Variants in UBE2B observed in about 807,000 individuals in gnomAD.
UBE2B encodes the protein ubiquitin conjugating enzyme E2 B.
Under a neutral mutation model 24.6 loss-of-function variants are expected in UBE2B, and 11 were observed. The ratio of observed to expected loss-of-function variants is 0.45; its 90% CI spans 0.28 to 0.74. The LOEUF is 0.74. Ranked by LOEUF, UBE2B falls within the 30% of genes least tolerant of loss-of-function variation. The pLI is 0.13. For synonymous variants in UBE2B, 68 were observed against 62.4 expected (o/e 1.09, Z -0.42); for missense variants, 78 against 185.6 (o/e 0.42, Z 3.37).
Position 134,381,824 on chromosome 5 carries a change from A to G in UBE2B, c.241+1016A>G, listed in dbSNP as rs182181589. ...TCAGGCATGATGGTGGGCACCTGTAATCTCAGCTACTCAGGAGGCTGAGAC... is the reference window on the plus strand; with the variant it reads ...TCAGGCATGATGGTGGGCACCTGTAGTCTCAGCTACTCAGGAGGCTGAGAC... On this transcript the variant is annotated intron_variant, in intron 4 of 5. Transcript: ENST00000265339. Among the ~76,000 whole-genome samples, 87 of 152,298 alleles carry G rather than the reference A, an allele frequency of 5.7e-4. 1 individual carries two copies. Among genetic ancestry groups the G allele is most frequent in the African/African-American group, 2.1e-3 (87 of 41,570 alleles).
At chr5:134,374,351 C>G in intron 1 of UBE2B, 32 bp from the exon 2 acceptor site, 3 of 1,550,988 alleles carry the variant, frequency 1.9e-6, no homozygotes, top group Non-Finnish European at 2.6e-6. Flanking sequence ...CCTTAATGTT[C>G]AACTTTTTAA....
intron 5 of UBE2B, chr5:134,388,944 T>C: frequency 3.5e-6 from 1 of 286,346 alleles, no homozygotes; most frequent in South Asian, 2.4e-5. Flanking sequence ...ACTTCTTTAA[T>C]TGTTTTTTTT....
intron 2 of UBE2B, 173 bp downstream of exon 2, chr5:134,374,636 G>GT: frequency 1.4e-6 from 1 of 714,834 alleles, no homozygotes. Context: ...GCCCAGCACA[G>GT]TAGTAGCTCA....
In UBE2B at chr5:134,390,088, C is replaced by A; in HGVS notation, c.331-137C>A. On this transcript the variant is annotated intron_variant, in intron 5 of 5. Transcript: ENST00000265339. This position sits in a 1 kb window ranked among gnomAD's most constrained non-coding sequence, Gnocchi z 4.6. ...CAAATCATTTCTAAAAGTATTTAGA[C>A]CCAAAATTATATGACATGTTAATCT... The A allele has an allele frequency of 9.3e-7, 1 of 1,073,988 alleles. No homozygotes were observed. The highest frequency in any genetic ancestry group is 1.4e-6 in the Non-Finnish European group (1 of 729,472). 66.5% of individuals were successfully genotyped at this position (1,073,988 alleles called of 1,614,324 possible). A position where few individuals can be genotyped will look rare whatever the true frequency, so the allele number is the denominator to read the frequency against.
In UBE2B at chr5:134,371,582, G is replaced by C. The variant is rs778920968; in HGVS notation, c.-14G>C. Reference sequence around the variant, plus strand: ...TTTTTTTTTTTCAGACTGACCGCGGGGCAGCTGCGGAGCATGTCGACCCCG... The same window carrying C: ...TTTTTTTTTTTCAGACTGACCGCGGCGCAGCTGCGGAGCATGTCGACCCCG... On this transcript the variant is annotated 5_prime_UTR_variant, in exon 1 of 6. Coordinates refer to ENST00000265339, the MANE Select transcript of UBE2B (RefSeq NM_003337.4). The C allele has an allele frequency of 1.2e-6, 2 of 1,612,454 alleles. No individual in the cohort carries two copies. The highest frequency in any genetic ancestry group is 1.7e-5 in the Admixed American group (1 of 60,006).
intron 4 of UBE2B, among the ~76,000 whole-genome samples, chr5:134,385,972 C>T (rs1000179830): frequency 6.6e-6 from 1 of 150,872 alleles, no homozygotes; most frequent in African/African-American, 2.4e-5. Context: ...GAGATCACGC[C>T]ACTGCACTCC....
chr5:134,387,125 A>G (rs1342897849), intron 4 of UBE2B, among the ~76,000 whole-genome samples: 1 of 152,000 alleles, frequency 6.6e-6, no homozygotes, highest in East Asian at 1.9e-4. Context: ...ATGCCTGGCT[A>G]ATTTTTGTAT....
intron 4 of UBE2B, among the ~76,000 whole-genome samples, chr5:134,385,086 T>G (rs189483561): frequency 1.1e-4 from 16 of 152,254 alleles, no homozygotes; most frequent in African/African-American, 3.6e-4. Context: ...TGTATTTTGT[T>G]CATTAGTTGA....
Position 134,371,704 on chromosome 5 carries a change from C to T in UBE2B, c.44+65C>T, listed in dbSNP as rs1191637731. 47 of 1,604,802 alleles carry T rather than the reference C, an allele frequency of 2.9e-5. No homozygotes were observed. The South Asian group carries it at 5.1e-4, about 17-fold the overall frequency. On this transcript the variant is annotated intron_variant, in intron 1 of 5. Transcript: ENST00000265339. Reference sequence around the variant, plus strand: ...AGCTGCGGGGCTGCAGGGCGTGGATCCCAGACACCTTCCCCTTTGTGACCC... The same window carrying T: ...AGCTGCGGGGCTGCAGGGCGTGGATTCCAGACACCTTCCCCTTTGTGACCC...
At chr5:134,388,238 C>G in intron 4 of UBE2B, 87 bp from the exon 5 acceptor site, 1 of 1,163,582 alleles carries the variant, frequency 8.6e-7, no homozygotes, top group Non-Finnish European at 1.3e-6. Flanking sequence ...TTTAAAACTT[C>G]TAAGCCAAGC....
intron 5 of UBE2B, 33 bp downstream of exon 5, chr5:134,388,446 C>T: frequency 1.3e-6 from 2 of 1,591,692 alleles, no homozygotes; most frequent in Non-Finnish European, 1.7e-6. Flanking sequence ...TATAATTTGT[C>T]AGTATTCTGT....
chr5:134,373,058 C>CAG (rs1219349983), intron 1 of UBE2B, among the ~76,000 whole-genome samples: 1 of 152,082 alleles, frequency 6.6e-6, no homozygotes, highest in Non-Finnish European at 1.5e-5. Flanking sequence ...TTGTAGTTTC[C>CAG]AGAGATCTGC....
chr5:134,391,577 CCAAGAGTTTCTTCT>C lies in UBE2B; in HGVS notation c.*1227_*1240del, dbSNP rs1758896770. On this transcript the variant is annotated 3_prime_UTR_variant, in exon 6 of 6. Coordinates refer to ENST00000265339, the MANE Select transcript of UBE2B (RefSeq NM_003337.4). ...AGTTAAAACAGCTATTTTAGTAACC[CCAAGAGTTTCTTCT>C]CATATCCATAAAATTGGATTACAGT... 6.6e-6 allele frequency: 1 copy of C among 152,456 alleles called. No homozygotes were observed. The highest frequency in any genetic ancestry group is 1.5e-5 in the Non-Finnish European group (1 of 68,010). 9.4% of individuals were successfully genotyped at this position (152,456 alleles called of 1,614,324 possible).
intron 3 of UBE2B, 136 bp from the exon 4 acceptor site, chr5:134,380,583 A>G: frequency 3.3e-6 from 2 of 615,206 alleles, no homozygotes; most frequent in South Asian, 3.6e-5. Context: ...TATATTTAGG[A>G]TGTTTTGTAT....
In UBE2B at chr5:134,390,455, G is replaced by A; in HGVS notation, c.*102G>A. ...AAGTGCCACAGGTTTTAAGGATTCT[G>A]CAGAAAAAAAAGAAAAAAGTCCTTC... On this transcript the variant is annotated 3_prime_UTR_variant, in exon 6 of 6. Transcript: ENST00000265339. This position sits in a 1 kb window ranked among gnomAD's most constrained non-coding sequence, Gnocchi z 4.6. The A allele has an allele frequency of 6.8e-7, 1 of 1,477,068 alleles. No homozygotes were observed. Among genetic ancestry groups the A allele is most frequent in the Admixed American group, 2.0e-5 (1 of 49,614 alleles). 91.5% of individuals were successfully genotyped at this position (1,477,068 alleles called of 1,614,324 possible). A position where few individuals can be genotyped will look rare whatever the true frequency, so the allele number is the denominator to read the frequency against.
chr5:134,385,002 C>T (rs1054506845), intron 4 of UBE2B, among the ~76,000 whole-genome samples: 6 of 152,254 alleles, frequency 3.9e-5, no homozygotes, highest in Admixed American at 2.0e-4. Flanking sequence ...TTTCAAGGCT[C>T]ATCTATGTTG....
At chr5:134,374,098 C>T (rs1758553130) in intron 1 of UBE2B, among the ~76,000 whole-genome samples, 1 of 152,136 alleles carries the variant, frequency 6.6e-6, no homozygotes, top group African/African-American at 2.4e-5. Context: ...TACAGTCCCA[C>T]CAACAGTGTA....
intron 4 of UBE2B, among the ~76,000 whole-genome samples, chr5:134,384,368 T>C (rs1758762620): frequency 6.6e-6 from 1 of 152,156 alleles, no homozygotes. Flanking sequence ...CTTTTTTTTT[T>C]GTCCAAGACA....
intron 4 of UBE2B, among the ~76,000 whole-genome samples, chr5:134,387,668 C>G (rs35716897): frequency 1.3e-5 from 2 of 152,336 alleles, no homozygotes; most frequent in South Asian, 4.1e-4. Context: ...GCACACAAGA[C>G]ATAAGAAAAG....
Sources: gnomAD v4.1 joint callset for allele counts (sites outside exome capture counted in the v4.1 genomes callset) on GRCh38, gnomAD v4.1.1 for gene constraint, Gnocchi (gnomAD v3.1) non-coding constraint, MANE v1.5 for transcripts, NCBI Gene and HGNC (gene_info 2026-07-23, HGNC 2026-07-21) for gene names.